Variants in YBX3 observed in about 807,000 individuals in gnomAD.
YBX3 encodes the protein Y-box-binding protein 3.
Under a neutral mutation model 42.4 loss-of-function variants are expected in YBX3, and 29 were observed. The ratio of observed to expected loss-of-function variants is 0.68; its 90% CI spans 0.51 to 0.93. The LOEUF (loss-of-function observed/expected upper bound fraction) is 0.93. Ranked by LOEUF, YBX3 falls within the 40% of genes least tolerant of loss-of-function variation. The pLI, the probability that YBX3 is intolerant of heterozygous loss-of-function variation, is 0.00. For missense variants in YBX3, 517 were observed against 527.5 expected, an observed-to-expected ratio of 0.98 and a Z score of 0.19; for synonymous variants, 195 against 189.8, an observed-to-expected ratio of 1.03 and a Z score of -0.22.
At chr12:10,708,722 T>A (rs138023565) in intron 6 of YBX3, among the ~76,000 whole-genome samples, 4 of 152,360 alleles carry the variant, frequency 2.6e-5, no homozygotes, top group African/African-American at 4.8e-5. Context: ...CTTCTGCATA[T>A]GATGTTTTAC....
rs2120910366 is a variant in YBX3 at position 10,704,116 on chromosome 12, G to T, written c.813C>A (p.Val271=). The change falls in exon 7 of 10, where the codon GTC becomes GTA. Residue 271 remains valine (V), a synonymous_variant. Coordinates refer to ENST00000228251, the MANE Select transcript of YBX3 (RefSeq NM_003651.5). The part of the protein sequence containing the change: ...AGEIGEMKDG[V]PEGAQLQGPV... ...GTCCCTGAAGTTGTGCTCCCTCTGGGACTCCATCCTTCATCTCTCCAATCT... is the reference window on the plus strand; with the variant it reads ...GTCCCTGAAGTTGTGCTCCCTCTGGTACTCCATCCTTCATCTCTCCAATCT... 1.2e-6 allele frequency: 2 copies of T among 1,614,190 alleles called. No homozygotes were observed. The highest frequency in any genetic ancestry group is 2.2e-5 in the East Asian group (1 of 44,886).
chr12:10,715,662 C>A (rs942585467), intron 4 of YBX3, 32 bp downstream of exon 4: 11 of 1,569,836 alleles, frequency 7.0e-6, no homozygotes, highest in South Asian at 3.3e-5. Flanking sequence ...TATGTGCCAG[C>A]ACTTTGATAC....
chr12:10,702,142 G>T lies in YBX3; in HGVS notation c.879-8C>A, dbSNP rs760389487. 29 of 1,609,442 alleles carry T rather than the reference G, an allele frequency of 1.8e-5. No homozygotes were observed. In the South Asian group the frequency reaches 3.2e-4, roughly 18 times the overall value. ...GGGCGAGGAGGTCCCCTGCTGTAGG[G>T]AACACAGAAGAAAATAGAACAGGTG... On this transcript the variant is annotated splice_polypyrimidine_tract_variant and splice_region_variant and intron_variant, in intron 7 of 9. Coordinates refer to ENST00000228251, the MANE Select transcript of YBX3 (RefSeq NM_003651.5).
rs373462346 is a variant in YBX3, at chr12:10,709,920, G to A, written c.768C>T (p.Pro256=). The change falls in exon 6 of 10, where the codon CCC becomes CCT. Residue 256 remains proline (P), a synonymous_variant. Coordinates refer to ENST00000228251, the MANE Select transcript of YBX3 (RefSeq NM_003651.5). ...GTTGCAATTTTACCTGTATTCTGTT[G>A]GGATGGGGTAAGACCCGTGAGCGAC... The part of the protein sequence containing the change: ...FDRRSRVLPH[P]NRIQAGEIGE... 5.0e-5 allele frequency: 80 copies of A among 1,613,894 alleles called. No individual in the cohort carries two copies. The highest frequency in any genetic ancestry group is 6.4e-5 in the Non-Finnish European group (76 of 1,180,046).
At chr12:10,710,728 A>C in intron 5 of YBX3, 1 of 489,222 alleles carries the variant, frequency 2.0e-6, no homozygotes, top group Non-Finnish European at 3.8e-6. Context: ...CTCTCAGCAG[A>C]CTGAATGCAG....
At position 10,723,231 on chromosome 12, in the gene YBX3, G is replaced by A; in HGVS notation, c.-120C>T. 8.6e-7 allele frequency: 1 copy of A among 1,166,334 alleles called. No individual in the cohort carries two copies. Among genetic ancestry groups the A allele is most frequent in the Non-Finnish European group, 1.1e-6 (1 of 945,536 alleles). The allele number at this position is 1,166,334 out of a possible 1,614,324, so 72.2% of individuals were successfully genotyped here. A position where few individuals can be genotyped will look rare whatever the true frequency, so the allele number is the denominator to read the frequency against. On this transcript the variant is annotated 5_prime_UTR_variant, in exon 1 of 10. Coordinates refer to ENST00000228251, the MANE Select transcript of YBX3 (RefSeq NM_003651.5). ...GGGAGGCCGGGGCGGATCTCGCGGC[G>A]CAGGCGGCGGCGGCCGAGGTGGGGT...
At position 10,715,745 on chromosome 12, in the gene YBX3, G is replaced by A. The variant is rs757920407; in HGVS notation, c.399C>T (p.Arg133=). The stretch of plus-strand genomic sequence containing the variant: ...CTACAGTTTCTCCATCTCCTACACT[G>A]CGCAGATATTTCCGTGGGTTATTCT... The part of the protein sequence containing the change: ...IKKNNPRKYL[R]SVGDGETVEF... Residue 133 remains arginine, a synonymous_variant, in exon 4 of 10, where the codon CGC becomes CGT. Coordinates refer to ENST00000228251, the MANE Select transcript of YBX3 (RefSeq NM_003651.5). 4 of 1,613,858 alleles carry A rather than the reference G, an allele frequency of 2.5e-6. No individual in the cohort carries two copies. The highest frequency in any genetic ancestry group is 1.6e-4 in the Middle Eastern group (1 of 6,084).
At chr12:10,701,046 C>T (rs753178041) in intron 9 of YBX3, among the ~76,000 whole-genome samples, 1 of 152,162 alleles carries the variant, frequency 6.6e-6, no homozygotes, top group Non-Finnish European at 1.5e-5. Context: ...TGTCTGAATG[C>T]TTATACCCTC....
chr12:10,709,940 A>G lies in YBX3; in HGVS notation c.748T>C (p.Ser250Pro), dbSNP rs150841551. ...CTGTTGGGATGGGGTAAGACCCGTG[A>G]GCGACGGTCAAAGGTCTGTCCCACG... ...YHVGQTFDRR[S>P]RVLPHPNRIQ... is the part of the protein sequence containing the mutation. Residue 250 changes from serine to proline, a missense_variant, in exon 6 of 10, where the codon TCA becomes CCA. Coordinates refer to ENST00000228251, the MANE Select transcript of YBX3 (RefSeq NM_003651.5). 12 of 1,614,032 alleles carry G rather than the reference A, an allele frequency of 7.4e-6. No homozygotes were observed. Among genetic ancestry groups the G allele is most frequent in the Non-Finnish European group, 1.0e-5 (12 of 1,180,044 alleles).
intron 1 of YBX3, among the ~76,000 whole-genome samples, chr12:10,720,184 G>A (rs892981671): frequency 6.6e-6 from 1 of 152,192 alleles, no homozygotes; most frequent in Non-Finnish European, 1.5e-5. Flanking sequence ...AATCCATACT[G>A]TCTTTTCATA....
intron 3 of YBX3, 92 bp from the exon 4 acceptor site, chr12:10,715,875 A>G: frequency 9.3e-7 from 1 of 1,073,000 alleles, no homozygotes; most frequent in Admixed American, 2.0e-5. Flanking sequence ...GAACTTGAAG[A>G]AACTGTTGAC....
intron 5 of YBX3, 169 bp downstream of exon 5, chr12:10,713,042 T>G: frequency 5.5e-6 from 5 of 912,672 alleles, no homozygotes; most frequent in East Asian, 2.8e-5. Context: ...AAATCAATAA[T>G]ACACATTTTA....
At chr12:10,715,307 G>A (rs1428812965) in intron 4 of YBX3, among the ~76,000 whole-genome samples, 1 of 151,880 alleles carries the variant, frequency 6.6e-6, no homozygotes, top group Non-Finnish European at 1.5e-5. Context: ...TACTTTGGGA[G>A]GCTGACACAG....
chr12:10,699,894 A>G (rs1948060499), intron 9 of YBX3, among the ~76,000 whole-genome samples: 1 of 152,180 alleles, frequency 6.6e-6, no homozygotes, highest in African/African-American at 2.4e-5. Context: ...AAATTTTATA[A>G]AATTGTATAA....
At chr12:10,713,520 G>T (rs1439314246) in intron 4 of YBX3, among the ~76,000 whole-genome samples, 187 bp from the exon 5 acceptor site, 4 of 152,146 alleles carry the variant, frequency 2.6e-5, no homozygotes, top group Non-Finnish European at 5.9e-5. Flanking sequence ...AAACATATAT[G>T]GCTTGTTTGC....
intron 5 of YBX3, chr12:10,712,111 A>G (rs562518916): frequency 5.3e-5 from 8 of 152,356 alleles, no homozygotes; most frequent in African/African-American, 9.6e-5. Context: ...GAGGAAAAGC[A>G]TTTAGGTAAA....
intron 6 of YBX3, chr12:10,704,436 C>A: frequency 7.7e-6 from 2 of 258,730 alleles, no homozygotes; most frequent in Non-Finnish European, 1.4e-5. Flanking sequence ...TTTCATTCAT[C>A]TCTTTAAATA....
intron 6 of YBX3, 44 bp downstream of exon 6, chr12:10,709,864 G>A (rs1311177965): frequency 6.2e-7 from 1 of 1,607,508 alleles, no homozygotes; most frequent in South Asian, 1.1e-5. Context: ...GAGAAGGACG[G>A]AAGGGTGAGG....
chr12:10,715,664 C>A, intron 4 of YBX3, 30 bp downstream of exon 4: 1 of 1,590,042 alleles, frequency 6.3e-7, no homozygotes, highest in Admixed American at 1.7e-5. Flanking sequence ...TGTGCCAGCA[C>A]TTTGATACCC....
Sources: allele counts gnomAD v4.1 joint callset (sites outside exome capture counted in the v4.1 genomes callset), GRCh38; gene constraint gnomAD v4.1.1; transcripts MANE v1.5; gene names NCBI Gene and HGNC (gene_info 2026-07-23, HGNC 2026-07-21).